Variants in CTNNA3 observed in about 807,000 individuals in gnomAD.
CTNNA3 encodes the protein catenin alpha-3.
In CTNNA3, 76 loss-of-function variants were observed where a neutral mutation model predicts 95.7. The ratio of observed to expected loss-of-function variants is 0.79; its 90% confidence interval spans 0.66 to 0.96. The LOEUF is 0.96. Among genes scored for constraint, CTNNA3 ranks in the 40% least tolerant of loss-of-function variants. CTNNA3 has a pLI of 0.00. For synonymous variants in CTNNA3, 431 were observed against 374.4 expected (o/e 1.15, Z -1.74); for missense variants, 1,191 against 1,089.8 (o/e 1.09, Z -1.31).
At chr10:67,612,363 A>T (rs1393808362) in intron 2 of CTNNA3, among the ~76,000 whole-genome samples, 1 of 152,246 alleles carries the variant, frequency 6.6e-6, no homozygotes, top group African/African-American at 2.4e-5. Flanking sequence ...CCAAAATTGC[A>T]AACATTCACA....
chr10:66,622,602 A>G (rs959984117), intron 9 of CTNNA3, among the ~76,000 whole-genome samples: 3 of 152,098 alleles, frequency 2.0e-5, no homozygotes, highest in Non-Finnish European at 4.4e-5. Flanking sequence ...GACAGAGGCA[A>G]TGTTTTCTCT....
chr10:67,024,477 G>A (rs1048967880), intron 7 of CTNNA3, among the ~76,000 whole-genome samples: 1 of 152,120 alleles, frequency 6.6e-6, no homozygotes, highest in Non-Finnish European at 1.5e-5. Flanking sequence ...TGCAGGTTCT[G>A]GTGATTAGGA....
intron 9 of CTNNA3, among the ~76,000 whole-genome samples, chr10:66,639,233 C>T (rs950826944): frequency 1.1e-4 from 17 of 151,914 alleles, no homozygotes; most frequent in Admixed American, 2.6e-4. Context: ...ATTGCTTCTC[C>T]AGTTAAATAT....
intron 2 of CTNNA3, among the ~76,000 whole-genome samples, chr10:67,624,740 TA>T (rs1843969765): frequency 6.6e-6 from 1 of 152,186 alleles, no homozygotes; most frequent in Non-Finnish European, 1.5e-5. Context: ...AACAGAATGA[TA>T]AGAAATTCTT....
chr10:66,545,282 A>T (rs1842002493), intron 10 of CTNNA3, among the ~76,000 whole-genome samples: 1 of 152,010 alleles, frequency 6.6e-6, no homozygotes, highest in Non-Finnish European at 1.5e-5. Context: ...CCCTTTCTAA[A>T]CAGTATAATT....
chr10:67,661,553 T>C (rs1186356998), intron 1 of CTNNA3, among the ~76,000 whole-genome samples: 2 of 152,164 alleles, frequency 1.3e-5, no homozygotes, highest in Non-Finnish European at 1.5e-5. Context: ...AAAAAGTTGA[T>C]AAACTGGACT....
chr10:66,710,513 T>C (rs1039748337), intron 9 of CTNNA3, among the ~76,000 whole-genome samples: 1 of 151,934 alleles, frequency 6.6e-6, no homozygotes, highest in African/African-American at 2.4e-5. Context: ...TACACGAAAT[T>C]ATCTTTAATG....
At chr10:66,651,892 A>G (rs530186319) in intron 9 of CTNNA3, among the ~76,000 whole-genome samples, 1 of 152,142 alleles carries the variant, frequency 6.6e-6, no homozygotes, top group South Asian at 2.1e-4. Context: ...GGGCTCCCAC[A>G]GTGCAACGGC....
intron 5 of CTNNA3, among the ~76,000 whole-genome samples, chr10:67,239,205 G>C (rs542409886): frequency 4.5e-4 from 68 of 152,076 alleles, no homozygotes; most frequent in Admixed American, 3.3e-3. Context: ...CTGTTACCCA[G>C]CTATTTCATT....
chr10:66,218,617 T>C (rs1164720355), intron 13 of CTNNA3, among the ~76,000 whole-genome samples: 6 of 152,162 alleles, frequency 3.9e-5, no homozygotes, highest in Non-Finnish European at 5.9e-5. Flanking sequence ...TAAGCCAAAC[T>C]CAACTAGCTA....
intron 6 of CTNNA3, among the ~76,000 whole-genome samples, chr10:67,187,538 T>C (rs1589839187): frequency 6.9e-6 from 1 of 145,390 alleles, no homozygotes; most frequent in African/African-American, 2.8e-5. Context: ...TTCTCTCTCT[T>C]TATCTCTCTC....
chr10:66,313,674 T>C (rs2092057218), intron 12 of CTNNA3, among the ~76,000 whole-genome samples: 1 of 152,198 alleles, frequency 6.6e-6, no homozygotes, highest in Non-Finnish European at 1.5e-5. Flanking sequence ...TTATTTGTCT[T>C]TCTCTCAAGC....
rs546710509 is a variant in CTNNA3 at position 66,685,161 on chromosome 10, G to A, written c.1282-63377C>T. 3.9e-3 allele frequency among the ~76,000 whole-genome samples: 463 copies of A among 117,958 alleles called. 2 individuals are homozygous for A. Among genetic ancestry groups the A allele is most frequent in the Middle Eastern group, 0.016 (3 of 190 alleles). 77.4% of individuals were successfully genotyped at this position (117,958 alleles called of 152,430 possible). The stretch of plus-strand genomic sequence containing the variant: ...TTAGAAGAACTATATATATATACAC[G>A]TATATATATATATACACATATATAT... On this transcript the variant is annotated intron_variant, in intron 9 of 17. Coordinates refer to ENST00000433211, the MANE Select transcript of CTNNA3 (RefSeq NM_013266.4).
chr10:66,693,876 A>C (rs907015351), intron 9 of CTNNA3, among the ~76,000 whole-genome samples: 29 of 152,306 alleles, frequency 1.9e-4, no homozygotes, highest in Admixed American at 9.1e-4. Flanking sequence ...GTACATAACA[A>C]AATGAAGACA....
chr10:66,194,048 T>C (rs1806403427), intron 13 of CTNNA3, among the ~76,000 whole-genome samples: 1 of 152,172 alleles, frequency 6.6e-6, no homozygotes, highest in South Asian at 2.1e-4. Flanking sequence ...AGTATGCTTA[T>C]GGAACAGCCA....
At chr10:66,997,643 C>A (rs754530243) in intron 7 of CTNNA3, among the ~76,000 whole-genome samples, 1 of 152,114 alleles carries the variant, frequency 6.6e-6, no homozygotes, top group Non-Finnish European at 1.5e-5. Flanking sequence ...TATTAGGACA[C>A]CATCTCTCTG....
chr10:66,911,129 CT>C (rs1846204861), intron 7 of CTNNA3, among the ~76,000 whole-genome samples: 1 of 152,238 alleles, frequency 6.6e-6, no homozygotes, highest in Admixed American at 6.5e-5. Context: ...AATTTCTTTC[CT>C]TTTCAGAGCC....
At chr10:67,528,177 T>C (rs1840208248) in intron 4 of CTNNA3, among the ~76,000 whole-genome samples, 1 of 152,214 alleles carries the variant, frequency 6.6e-6, no homozygotes, top group Non-Finnish European at 1.5e-5. Flanking sequence ...TTCAATTCTT[T>C]AGGGATGAAC....
chr10:67,204,622 A>T (rs548627050), intron 6 of CTNNA3, among the ~76,000 whole-genome samples: 1 of 152,336 alleles, frequency 6.6e-6, no homozygotes, highest in South Asian at 2.1e-4. Context: ...AAAACAAAGT[A>T]TGTTGATCTA....
Sources: allele counts gnomAD v4.1 joint callset (sites outside exome capture counted in the v4.1 genomes callset), GRCh38; gene constraint gnomAD v4.1.1; transcripts MANE v1.5; gene names NCBI Gene and HGNC (gene_info 2026-07-23, HGNC 2026-07-21).